OR2L5: variants seen among roughly 807,000 people sequenced by gnomAD.
OR2L5 encodes olfactory receptor 2L5.
For missense variants in OR2L5, 413 were observed against 381.6 expected (o/e 1.08, Z -0.69); for synonymous variants, 169 against 142.0 (o/e 1.19, Z -1.35).
At chr1:248,018,278 T>A (rs1662255362) in intron 1 of OR2L5, among the ~76,000 whole-genome samples, 1 of 152,202 alleles carries the variant, frequency 6.6e-6, no homozygotes, top group African/African-American at 2.4e-5. Flanking sequence ...TTTTCCTTTT[T>A]TAAAAATTAG....
At chr1:248,021,567 C>T (rs538049524) in intron 1 of OR2L5, among the ~76,000 whole-genome samples, 16 of 152,136 alleles carry the variant, frequency 1.1e-4, no homozygotes, top group Non-Finnish European at 1.9e-4. Context: ...GTTCCCTTCA[C>T]TTTATTTCAT....
intron 1 of OR2L5, among the ~76,000 whole-genome samples, chr1:248,021,540 A>G (rs1209955262): frequency 2.0e-5 from 3 of 152,186 alleles, no homozygotes; most frequent in Non-Finnish European, 4.4e-5. Flanking sequence ...CCAATGTTGC[A>G]TCATAGTGCC....
chr1:248,019,388 C>G (rs946714186), intron 1 of OR2L5, among the ~76,000 whole-genome samples: 2 of 152,118 alleles, frequency 1.3e-5, no homozygotes, highest in African/African-American at 4.8e-5. Context: ...ATATTTTCAA[C>G]TCATAATGGG....
chr1:248,021,426 G>C (rs374573047), intron 1 of OR2L5, among the ~76,000 whole-genome samples: 2 of 152,132 alleles, frequency 1.3e-5, no homozygotes, highest in East Asian at 3.9e-4. Flanking sequence ...CCACTGTTTT[G>C]CTTTCCATAG....
Position 248,023,200 on chromosome 1 carries a change from GTTAA to G in OR2L5, c.*317_*320del, listed in dbSNP as rs1421626607. On this transcript the variant is annotated 3_prime_UTR_variant, in exon 2 of 2. Coordinates refer to ENST00000355281, the MANE Select transcript of OR2L5 (RefSeq NM_001258284.2). ...ATATCATTCAGCATAATAGTTATATGTTAATTGTTTCCCATTATTATTAAAATAA... is the reference window on the plus strand; with the variant it reads ...ATATCATTCAGCATAATAGTTATATGTTGTTTCCCATTATTATTAAAATAA... 5.1e-5 allele frequency: 9 copies of G among 176,024 alleles called. No homozygotes were observed. Among genetic ancestry groups the G allele is most frequent in the East Asian group, 1.5e-4 (1 of 6,632 alleles). 10.9% of individuals were successfully genotyped at this position (176,024 alleles called of 1,614,324 possible). A position where few individuals can be genotyped will look rare whatever the true frequency, so the allele number is the denominator to read the frequency against.
Position 248,020,005 on chromosome 1 carries a change from T to C in OR2L5, c.-21-1922T>C, listed in dbSNP as rs190976390. Among the ~76,000 whole-genome samples the C allele has an allele frequency of 6.4e-4, 97 of 152,238 alleles. No homozygotes were observed. The East Asian group carries it at 0.015, about 24-fold the overall frequency. On this transcript the variant is annotated intron_variant, in intron 1 of 1. Coordinates refer to ENST00000355281, the MANE Select transcript of OR2L5 (RefSeq NM_001258284.2). ...ATTTTTCCATTTTGGTTGGTCTCAA[T>C]GTTCTGAGCTCAAGCAGTCTGCCTG...
rs529048375 is a variant in OR2L5, at chr1:248,022,984, CAG to C, written c.*102_*103del. ...ATTATTACATGCCCAGTATGTCAAA[CAG>C]AGATTAATCCAGAATGTTTGTCTTT... is the stretch of plus-strand genomic sequence containing the variant. On this transcript the variant is annotated 3_prime_UTR_variant, in exon 2 of 2. Transcript: ENST00000355281. The C allele has an allele frequency of 1.4e-4, 156 of 1,099,704 alleles. No individual in the cohort carries two copies. The African/African-American group carries it at 2.0e-3, about 14-fold the overall frequency. The allele number at this position is 1,099,704 out of a possible 1,614,324, so 68.1% of individuals were successfully genotyped here. A position where few individuals can be genotyped will look rare whatever the true frequency, so the allele number is the denominator to read the frequency against.
Position 248,022,201 on chromosome 1 carries a change from TG to T in OR2L5, c.255del (p.Tyr86MetfsTer19). On this transcript the variant is annotated frameshift_variant, in exon 2 of 2. Coordinates refer to ENST00000355281, the MANE Select transcript of OR2L5 (RefSeq NM_001258284.2). LOFTEE classifies it low-confidence loss of function (END_TRUNC). ...TIVPKMASDF[L>X]YGNKSISFIG... ...GTTCCTAAGATGGCTTCTGATTTTC[TG>T]TATGGAAACAAGTCTATCTCCTTCA... The T allele has an allele frequency of 6.2e-7, 1 of 1,614,158 alleles. No individual in the cohort carries two copies. Among genetic ancestry groups the T allele is most frequent in the Non-Finnish European group, 8.5e-7 (1 of 1,179,992 alleles).
In OR2L5 at chr1:248,022,288, T is replaced by C; in HGVS notation, c.341T>C (p.Leu114Pro). The C allele has an allele frequency of 6.2e-7, 1 of 1,614,208 alleles. No homozygotes were observed. Among genetic ancestry groups the C allele is most frequent in the South Asian group, 1.1e-5 (1 of 91,078 alleles). ...MTFAGAEALL[L>P]TSMAYDRYVA... ...TTTGCAGGTGCAGAAGCGCTGCTCC[T>C]GACATCAATGGCCTATGATCGTTAT... Residue 114 changes from leucine (L) to proline (P), a missense_variant, in exon 2 of 2, where the codon CTG (leucine) becomes CCG (proline). Transcript: ENST00000355281.
In OR2L5 at chr1:248,022,411, C is replaced by G; in HGVS notation, c.464C>G (p.Ser155Cys). The change falls in exon 2 of 2, where the codon TCT (serine) becomes TGT (cysteine). Residue 155 changes from serine (S) to cysteine (C), a missense_variant. By Grantham distance (112) the Ser-to-Cys change is moderately radical. Transcript: ENST00000355281. The part of the protein sequence containing the change: ...TGSWMIGSIN[S>C]CAHTVYAFRI... ...TCTTGGATGATAGGCTCCATCAACT[C>G]TTGTGCTCACACAGTATATGCATTC... The G allele has an allele frequency of 6.2e-7, 1 of 1,614,182 alleles. No homozygotes were observed. Among genetic ancestry groups the G allele is most frequent in the Non-Finnish European group, 8.5e-7 (1 of 1,180,026 alleles).
chr1:248,023,192 A>G lies in OR2L5; in HGVS notation c.*306A>G, dbSNP rs1170477051. On this transcript the variant is annotated 3_prime_UTR_variant, in exon 2 of 2. Transcript: ENST00000355281. ...AAGGAATCATATCATTCAGCATAAT[A>G]GTTATATGTTAATTGTTTCCCATTA... 1 of 189,290 alleles carries G rather than the reference A, an allele frequency of 5.3e-6. No individual in the cohort carries two copies. The allele number at this position is 189,290 out of a possible 1,614,324, so 11.7% of individuals were successfully genotyped here.
chr1:248,019,244 A>T (rs1049830552), intron 1 of OR2L5, among the ~76,000 whole-genome samples: 3 of 152,134 alleles, frequency 2.0e-5, no homozygotes, highest in African/African-American at 7.2e-5. Flanking sequence ...TGATTTTTTG[A>T]CTTTAATATG....
Position 248,022,735 on chromosome 1 carries a change from C to A in OR2L5, c.788C>A (p.Ser263Tyr). 1.1e-5 allele frequency: 17 copies of A among 1,614,106 alleles called. No homozygotes were observed. Among genetic ancestry groups the A allele is most frequent in the Non-Finnish European group, 1.4e-5 (17 of 1,180,010 alleles). The change falls in exon 2 of 2, where the codon TCC becomes TAC. Residue 263 changes from serine to tyrosine, a missense_variant. Physicochemically the swap from Ser to Tyr is moderately radical, Grantham distance 144. Transcript: ENST00000355281. ...PFAYTYLCPR[S>Y]LRSLTEDKVL... Reference sequence around the variant, plus strand: ...GCTTATACCTATCTATGTCCAAGATCCCTGCGATCTCTGACAGAGGACAAG... The same window carrying A: ...GCTTATACCTATCTATGTCCAAGATACCTGCGATCTCTGACAGAGGACAAG...
At chr1:248,014,989 T>G (rs1395468445) in intron 1 of OR2L5, among the ~76,000 whole-genome samples, 1 of 152,142 alleles carries the variant, frequency 6.6e-6, no homozygotes, top group Non-Finnish European at 1.5e-5. Flanking sequence ...ATAATCACTT[T>G]CTGTCTATCC....
chr1:248,019,717 G>C (rs186133070), intron 1 of OR2L5, among the ~76,000 whole-genome samples: 1 of 150,722 alleles, frequency 6.6e-6, no homozygotes. Context: ...TTTCCTCCTC[G>C]TCCTCCTCCT....
Position 248,022,163 on chromosome 1 carries a change from C to T in OR2L5, c.216C>T (p.Tyr72=), listed in dbSNP as rs757528070. 3.1e-6 allele frequency: 5 copies of T among 1,613,878 alleles called. No homozygotes were observed. Among genetic ancestry groups the T allele is most frequent in the African/African-American group, 1.3e-5 (1 of 74,922 alleles). The change falls in exon 2 of 2, where the codon TAC becomes TAT. Residue 72 remains tyrosine, a synonymous_variant. Coordinates refer to ENST00000355281, the MANE Select transcript of OR2L5 (RefSeq NM_001258284.2). ...AGCTCTCCCTCATTGACCTAAATTACATCTCTACGATTGTTCCTAAGATGG... is the reference window on the plus strand; with the variant it reads ...AGCTCTCCCTCATTGACCTAAATTATATCTCTACGATTGTTCCTAAGATGG... The part of the protein sequence containing the change: ...LSQLSLIDLN[Y]ISTIVPKMAS...
chr1:248,017,294 C>T (rs1662221926), intron 1 of OR2L5, among the ~76,000 whole-genome samples: 1 of 152,174 alleles, frequency 6.6e-6, no homozygotes, highest in South Asian at 2.1e-4. Flanking sequence ...AAAATGTCCT[C>T]TTCACATTAC....
chr1:248,018,079 C>T (rs1420765269), intron 1 of OR2L5, among the ~76,000 whole-genome samples: 1 of 149,472 alleles, frequency 6.7e-6, no homozygotes, highest in African/African-American at 2.5e-5. Flanking sequence ...GGCGTGAACC[C>T]GGGAGGCGGA....
chr1:248,021,321 A>G (rs1662329495), intron 1 of OR2L5, among the ~76,000 whole-genome samples: 1 of 152,220 alleles, frequency 6.6e-6, no homozygotes, highest in Non-Finnish European at 1.5e-5. Flanking sequence ...TAGTCATCTA[A>G]GAGTTATAAA....
Sources: allele counts gnomAD v4.1 joint callset (sites outside exome capture counted in the v4.1 genomes callset), GRCh38; gene constraint gnomAD v4.1.1; transcripts MANE v1.5; gene names NCBI Gene and HGNC (gene_info 2026-07-23, HGNC 2026-07-21).